Variants in ASB3 observed in about 807,000 individuals in gnomAD.
The protein encoded by ASB3 is ankyrin repeat and SOCS box containing 3.
ASB3 carries 41 observed loss-of-function variants against 54.5 expected under a neutral mutation model. The ratio of observed to expected loss-of-function variants is 0.75; its 90% CI spans 0.59 to 0.98. ASB3 has a LOEUF of 0.98. ASB3 is among the 50% of genes least tolerant of loss of function. The pLI, the probability that ASB3 is intolerant of heterozygous loss-of-function variation, is 0.00. For missense variants in ASB3, 733 were observed against 620.0 expected (o/e 1.18, Z -1.94); for synonymous variants, 266 against 221.2 (o/e 1.20, Z -1.80).
intron 2 of ASB3, among the ~76,000 whole-genome samples, chr2:53,761,165 T>C (rs2104067251): frequency 6.6e-6 from 1 of 152,226 alleles, no homozygotes; most frequent in Middle Eastern, 3.4e-3. Context: ...CTGGGAAAGG[T>C]GACCGCACCT....
chr2:53,774,431 A>C, intron 1 of ASB3: 1 of 1,610,996 alleles, frequency 6.2e-7, no homozygotes, highest in Non-Finnish European at 8.5e-7. Context: ...TCTATTAGGA[A>C]CCTTGTGCCA....
rs139335484 is a variant in ASB3 at position 53,676,730 on chromosome 2, T to A, written c.1370-6040A>T. On this transcript the variant is annotated intron_variant, in intron 9 of 9. Coordinates refer to ENST00000263634, the MANE Select transcript of ASB3 (RefSeq NM_016115.5). Reference sequence around the variant, plus strand: ...AGTTCCATTCCTAGTAAGTGCCCTATACAGATCTACCATTTTTCATCTTTT... The same window carrying A: ...AGTTCCATTCCTAGTAAGTGCCCTAAACAGATCTACCATTTTTCATCTTTT... Among the ~76,000 whole-genome samples the A allele has an allele frequency of 1.7e-3, 255 of 152,270 alleles. 1 individual carries two copies. The highest frequency in any genetic ancestry group is 5.7e-3 in the African/African-American group (237 of 41,554).
chr2:53,716,976 G>C (rs1050639731), intron 5 of ASB3, among the ~76,000 whole-genome samples: 1 of 152,170 alleles, frequency 6.6e-6, no homozygotes, highest in Non-Finnish European at 1.5e-5. Flanking sequence ...CAGCAATTTA[G>C]GAAGCTGTGG....
chr2:53,670,792 G>T, intron 9 of ASB3, 102 bp from the exon 10 acceptor site: 2 of 1,302,800 alleles, frequency 1.5e-6, no homozygotes, highest in Non-Finnish European at 2.1e-6. Context: ...TAATAAAAGT[G>T]ATATATTGCT....
chr2:53,714,943 T>G (rs1670304893), intron 6 of ASB3, among the ~76,000 whole-genome samples: 1 of 152,166 alleles, frequency 6.6e-6, no homozygotes, highest in Admixed American at 6.5e-5. Context: ...ATTTAAAACA[T>G]CATTCTACTA....
intron 9 of ASB3, among the ~76,000 whole-genome samples, chr2:53,678,346 C>A (rs1668193343): frequency 6.6e-6 from 1 of 152,158 alleles, no homozygotes; most frequent in Non-Finnish European, 1.5e-5. Flanking sequence ...AGGTGGTCAT[C>A]ATTTTTATCA....
At chr2:53,763,314 G>A (rs1012670986) in intron 2 of ASB3, among the ~76,000 whole-genome samples, 3 of 152,204 alleles carry the variant, frequency 2.0e-5, no homozygotes, top group Non-Finnish European at 2.9e-5. Context: ...AGCTGAGGTC[G>A]CACCACTGCA....
chr2:53,779,482 G>C (rs1404743050), intron 1 of ASB3, among the ~76,000 whole-genome samples: 2 of 151,972 alleles, frequency 1.3e-5, no homozygotes, highest in African/African-American at 4.8e-5. Context: ...TGTTGCCCAG[G>C]CTGGAGTGCA....
chr2:53,754,173 T>C (rs1572971787), intron 2 of ASB3, among the ~76,000 whole-genome samples: 1 of 152,258 alleles, frequency 6.6e-6, no homozygotes, highest in East Asian at 1.9e-4. Flanking sequence ...ATAAATTACA[T>C]TGTATTGGAT....
chr2:53,702,501 C>T (rs935060243), intron 7 of ASB3, among the ~76,000 whole-genome samples: 18 of 152,206 alleles, frequency 1.2e-4, no homozygotes, highest in African/African-American at 4.3e-4. Flanking sequence ...CAAATTCTCT[C>T]TGTAGCCCTA....
chr2:53,708,458 G>A (rs755184346), intron 7 of ASB3, among the ~76,000 whole-genome samples: 7 of 152,262 alleles, frequency 4.6e-5, no homozygotes, highest in Admixed American at 1.3e-4. Context: ...ATGCAAGAAC[G>A]AACTAATACA....
chr2:53,758,838 T>C (rs947500029), intron 2 of ASB3, among the ~76,000 whole-genome samples: 1 of 152,112 alleles, frequency 6.6e-6, no homozygotes, highest in Admixed American at 6.5e-5. Context: ...ATGGGACATG[T>C]TCCCCACAAG....
intron 1 of ASB3, among the ~76,000 whole-genome samples, chr2:53,772,246 C>A (rs1305553148): frequency 6.6e-6 from 1 of 152,120 alleles, no homozygotes; most frequent in East Asian, 1.9e-4. Flanking sequence ...GCGATCTCGG[C>A]TCACTGCAAG....
chr2:53,768,639 T>C (rs1272397981), intron 1 of ASB3, among the ~76,000 whole-genome samples: 1 of 152,230 alleles, frequency 6.6e-6, no homozygotes, highest in Non-Finnish European at 1.5e-5. Flanking sequence ...TCTGGTTATA[T>C]GAATAACATA....
At chr2:53,772,391 G>A (rs1388988386) in intron 1 of ASB3, among the ~76,000 whole-genome samples, 1 of 151,982 alleles carries the variant, frequency 6.6e-6, no homozygotes, top group Admixed American at 6.6e-5. Flanking sequence ...AGCCAGGATG[G>A]TCTCAATCTC....
chr2:53,679,661 T>C (rs1342803733), intron 9 of ASB3, among the ~76,000 whole-genome samples: 2 of 152,206 alleles, frequency 1.3e-5, no homozygotes, highest in Non-Finnish European at 2.9e-5. Flanking sequence ...AAAAGAAAAC[T>C]CTGCCACAAC....
At chr2:53,709,943 C>T (rs1458903324) in intron 7 of ASB3, among the ~76,000 whole-genome samples, 1 of 152,196 alleles carries the variant, frequency 6.6e-6, no homozygotes, top group Non-Finnish European at 1.5e-5. Context: ...CTGCAGCCGT[C>T]CTGTGGGGAG....
At chr2:53,782,348 T>C (rs1404334292) in intron 1 of ASB3, among the ~76,000 whole-genome samples, 1 of 152,076 alleles carries the variant, frequency 6.6e-6, no homozygotes, top group African/African-American at 2.4e-5. Flanking sequence ...CAGAGAAAAC[T>C]GCAGTCCAGA....
chr2:53,763,487 G>A (rs371992115), intron 2 of ASB3: 6 of 169,304 alleles, frequency 3.5e-5, no homozygotes, highest in Middle Eastern at 5.1e-4. Context: ...CTGACCTTTT[G>A]TATGTGTGTA....
Sources: allele counts gnomAD v4.1 joint callset (sites outside exome capture counted in the v4.1 genomes callset), GRCh38; gene constraint gnomAD v4.1.1; transcripts MANE v1.5; gene names NCBI Gene and HGNC (gene_info 2026-07-23, HGNC 2026-07-21).